DIAPH2: variants seen among roughly 807,000 people sequenced by gnomAD.
DIAPH2 encodes diaphanous related formin 2, also known as protein diaphanous homolog 2.
A neutral mutation model predicts 92.7 loss-of-function variants in DIAPH2; 35 were observed. The ratio of observed to expected loss-of-function variants is 0.38; its 90% CI spans 0.29 to 0.50. DIAPH2 has a LOEUF of 0.50. Ranked by LOEUF, DIAPH2 falls within the 20% of genes least tolerant of loss-of-function variation. The probability of loss-of-function intolerance (pLI) is 0.94; values close to 1 mark genes in which losing one functional copy is unlikely to be tolerated. For missense variants in DIAPH2, 701 were observed against 819.5 expected, an observed-to-expected ratio of 0.86 and a Z score of 1.77; for synonymous variants, 301 against 280.4, an observed-to-expected ratio of 1.07 and a Z score of -0.73.
intron 23 of DIAPH2, among the ~76,000 whole-genome samples, chrX:97,254,858 C>G (rs907331883): frequency 2.7e-5 from 3 of 109,880 alleles, no homozygotes; most frequent in Admixed American, 9.9e-5. Flanking sequence ...GGCCACCACA[C>G]CTGACTAATT....
chrX:96,812,780 C>T (rs1261193967), intron 4 of DIAPH2, among the ~76,000 whole-genome samples: 3 of 111,284 alleles, frequency 2.7e-5, no homozygotes, highest in Admixed American at 9.5e-5. Flanking sequence ...TGTTATGTAC[C>T]CAGTAGTCAT....
chrX:96,720,314 G>A (rs772246582), intron 1 of DIAPH2, among the ~76,000 whole-genome samples: 1 of 111,240 alleles, frequency 9.0e-6, no homozygotes, highest in Admixed American at 9.6e-5. Context: ...ACATACCACA[G>A]GCTCCAGCTC....
chrX:97,098,171 C>A (rs1275042174), intron 19 of DIAPH2, among the ~76,000 whole-genome samples: 1 of 111,218 alleles, frequency 9.0e-6, no homozygotes, highest in East Asian at 2.8e-4. Context: ...TTCTGTGTAC[C>A]CTACCCTAGT....
chrX:96,925,295 C>G (rs1246470300), intron 9 of DIAPH2, among the ~76,000 whole-genome samples: 1 of 110,855 alleles, frequency 9.0e-6, no homozygotes, highest in African/African-American at 3.3e-5. Flanking sequence ...CAGCCTTGAC[C>G]TGCATTTCTC....
chrX:97,469,749 C>G (rs368036378), intron 26 of DIAPH2: 3 of 1,202,490 alleles, frequency 2.5e-6, no homozygotes, highest in African/African-American at 1.8e-5. Context: ...CATAAACGGC[C>G]TGAGTGCTGT....
chrX:97,551,616 A>T (rs780653500), intron 26 of DIAPH2, among the ~76,000 whole-genome samples: 38 of 110,361 alleles, frequency 3.4e-4, no homozygotes, highest in Admixed American at 7.7e-4. Context: ...AAAAATTAAA[A>T]TTAAATTTAA....
chrX:96,896,593 A>G (rs1395867242), intron 5 of DIAPH2, among the ~76,000 whole-genome samples: 3 of 112,013 alleles, frequency 2.7e-5, no homozygotes, highest in African/African-American at 9.7e-5. Flanking sequence ...TTTTAATTAA[A>G]ATTATTTGTT....
At chrX:96,741,089 A>C (rs2064116532) in intron 3 of DIAPH2, among the ~76,000 whole-genome samples, 1 of 108,567 alleles carries the variant, frequency 9.2e-6, no homozygotes, top group Non-Finnish European at 1.9e-5. Flanking sequence ...CCATAGATGA[A>C]ATTTTCATGT....
intron 5 of DIAPH2, among the ~76,000 whole-genome samples, chrX:96,901,827 GCC>G (rs2065399216): frequency 9.0e-6 from 1 of 110,535 alleles, no homozygotes; most frequent in Admixed American, 9.7e-5. Context: ...GAGCTACTGC[GCC>G]CGGCCTTTGT....
chrX:96,943,139 T>G (rs893595010), intron 13 of DIAPH2, among the ~76,000 whole-genome samples: 1 of 110,725 alleles, frequency 9.0e-6, no homozygotes, highest in Non-Finnish European at 1.9e-5. Flanking sequence ...TGTATGCTGA[T>G]TTTTCTTGGA....
At chrX:96,802,153 C>A (rs955598751) in intron 4 of DIAPH2, among the ~76,000 whole-genome samples, 2 of 111,951 alleles carry the variant, frequency 1.8e-5, no homozygotes, top group Non-Finnish European at 3.8e-5. Context: ...TGGCTTCTTT[C>A]ACCCAATCCC....
intron 19 of DIAPH2, among the ~76,000 whole-genome samples, chrX:97,078,187 C>A (rs2066717964): frequency 9.0e-6 from 1 of 111,216 alleles, no homozygotes; most frequent in African/African-American, 3.3e-5. Context: ...TATTTGAGAT[C>A]CTTAGTGCAT....
chrX:97,109,647 G>A (rs1020262591), intron 20 of DIAPH2, among the ~76,000 whole-genome samples: 8 of 110,747 alleles, frequency 7.2e-5, no homozygotes, highest in African/African-American at 2.6e-4. Context: ...GTATTGTTGG[G>A]GTGACCTACC....
intron 5 of DIAPH2, among the ~76,000 whole-genome samples, chrX:96,888,822 G>A (rs969548389): frequency 5.5e-5 from 6 of 108,621 alleles, no homozygotes; most frequent in African/African-American, 1.7e-4. Context: ...TAAGTAATTT[G>A]CGCCATATTA....
At chrX:97,301,106 G>A (rs1485394037) in intron 23 of DIAPH2, among the ~76,000 whole-genome samples, 4 of 95,122 alleles carry the variant, frequency 4.2e-5, no homozygotes, top group African/African-American at 1.2e-4. Flanking sequence ...GATCGACATC[G>A]CGCCACTGCA....
rs1172020847 is a variant in DIAPH2, at chrX:97,254,492, C to CAA, written c.2844+6674_2844+6675dup. Reference sequence around the variant, plus strand: ...GGGCAACAAGAGCAAAACTCTGTCTCAAAAAAAAAAAAAAAAAAAAAAGGA... The same window carrying CAA: ...GGGCAACAAGAGCAAAACTCTGTCTCAAAAAAAAAAAAAAAAAAAAAAAAGGA... On this transcript the variant is annotated intron_variant, in intron 23 of 26. Coordinates refer to ENST00000324765, the MANE Select transcript of DIAPH2 (RefSeq NM_006729.5). Among the ~76,000 whole-genome samples the CAA allele has an allele frequency of 3.2e-3, 92 of 28,761 alleles. 2 individuals are homozygous for CAA. Among genetic ancestry groups the CAA allele is most frequent in the African/African-American group, 6.9e-3 (60 of 8,719 alleles). The allele number at this position is 28,761 out of a possible 115,157, so 25.0% of individuals were successfully genotyped here.
intron 4 of DIAPH2, among the ~76,000 whole-genome samples, chrX:96,803,477 A>G (rs2064599913): frequency 9.0e-6 from 1 of 111,633 alleles, no homozygotes; most frequent in African/African-American, 3.3e-5. Flanking sequence ...ATGATAAAGA[A>G]TCTCCACAGC....
At chrX:96,962,440 T>TAC (rs1169756802) in intron 16 of DIAPH2, among the ~76,000 whole-genome samples, 1 of 70,226 alleles carries the variant, frequency 1.4e-5, no homozygotes, top group African/African-American at 6.7e-5. Flanking sequence ...CATATATATA[T>TAC]ACATATATAC....
chrX:97,095,876 A>G (rs1051947243), intron 19 of DIAPH2, among the ~76,000 whole-genome samples: 1 of 112,348 alleles, frequency 8.9e-6, no homozygotes, highest in East Asian at 2.8e-4. Flanking sequence ...ACTCTGCTCA[A>G]TCAATGACAT....
Sources: allele counts gnomAD v4.1 joint callset (sites outside exome capture counted in the v4.1 genomes callset), GRCh38; gene constraint gnomAD v4.1.1; transcripts MANE v1.5; gene names NCBI Gene and HGNC (gene_info 2026-07-23, HGNC 2026-07-21).